The following FHIT variants were observed in gnomAD, a reference collection of about 807,000 sequenced individuals.
The protein encoded by FHIT is bis(5'-adenosyl)-triphosphatase.
In FHIT, 19 loss-of-function variants were observed where a neutral mutation model predicts 17.9. The observed-to-expected ratio is 1.06, with a 90% CI of 0.74 to 1.56. The LOEUF is 1.56. Among genes scored for constraint, FHIT ranks in the 40% most tolerant of loss-of-function variants. The probability of loss-of-function intolerance (pLI) is 0.00; values close to 1 mark genes in which losing one functional copy is unlikely to be tolerated. For missense variants in FHIT, 248 were observed against 189.2 expected (o/e 1.31, Z -1.82); for synonymous variants, 81 against 69.7 (o/e 1.16, Z -0.81).
intron 2 of FHIT, among the ~76,000 whole-genome samples, chr3:61,183,790 G>A (rs1311860995): frequency 2.0e-5 from 3 of 151,298 alleles, no homozygotes; most frequent in Non-Finnish European, 4.4e-5. Context: ...CTGTCCTCAT[G>A]ACTTCCCTGT....
chr3:60,960,674 G>A (rs1286722982), intron 3 of FHIT, among the ~76,000 whole-genome samples: 6 of 152,178 alleles, frequency 3.9e-5, no homozygotes, highest in Non-Finnish European at 8.8e-5. Context: ...CTATGAGTGA[G>A]AACATGCAGT....
chr3:60,856,985 C>T (rs1215330589), intron 3 of FHIT, among the ~76,000 whole-genome samples: 4 of 152,158 alleles, frequency 2.6e-5, no homozygotes, highest in Non-Finnish European at 5.9e-5. Context: ...ATGTGATATA[C>T]TTGCCATAGC....
At chr3:60,255,100 A>G (rs910233140) in intron 5 of FHIT, among the ~76,000 whole-genome samples, 3 of 152,194 alleles carry the variant, frequency 2.0e-5, no homozygotes, top group Non-Finnish European at 4.4e-5. Flanking sequence ...TGGCAGAATT[A>G]TAATAACTTT....
chr3:60,522,462 A>G (rs2035408844), intron 5 of FHIT, among the ~76,000 whole-genome samples: 1 of 152,172 alleles, frequency 6.6e-6, no homozygotes, highest in South Asian at 2.1e-4. Flanking sequence ...TTGTTTCTGT[A>G]TTTTTAAAAA....
chr3:60,528,194 C>T (rs1330295536), intron 5 of FHIT, among the ~76,000 whole-genome samples: 1 of 152,158 alleles, frequency 6.6e-6, no homozygotes, highest in Non-Finnish European at 1.5e-5. Flanking sequence ...TGGTCTGAAA[C>T]TCCTGGTCTC....
At chr3:60,821,563 G>A (rs1022845092) in intron 4 of FHIT, among the ~76,000 whole-genome samples, 11 of 152,046 alleles carry the variant, frequency 7.2e-5, no homozygotes, top group African/African-American at 2.4e-4. Flanking sequence ...CTTTTTACAC[G>A]TAAAAATTAT....
chr3:60,136,635 A>C (rs932488065), intron 5 of FHIT, among the ~76,000 whole-genome samples: 1 of 144,926 alleles, frequency 6.9e-6, no homozygotes, highest in Non-Finnish European at 1.5e-5. Context: ...TGAGTTCAGG[A>C]ATGATGCTTC....
intron 5 of FHIT, among the ~76,000 whole-genome samples, chr3:60,039,008 G>A (rs1447096657): frequency 6.6e-6 from 1 of 152,132 alleles, no homozygotes; most frequent in African/African-American, 2.4e-5. Flanking sequence ...GTCTGGCTCT[G>A]AACTTTCATG....
At chr3:59,874,177 G>A (rs1044107925) in intron 8 of FHIT, among the ~76,000 whole-genome samples, 6 of 152,032 alleles carry the variant, frequency 3.9e-5, no homozygotes, top group Non-Finnish European at 5.9e-5. Flanking sequence ...CCCCTTCTAC[G>A]TCATTCTAAC....
chr3:60,512,875 AT>A (rs1311048930), intron 5 of FHIT, among the ~76,000 whole-genome samples: 1 of 152,218 alleles, frequency 6.6e-6, no homozygotes, highest in Non-Finnish European at 1.5e-5. Context: ...ATTTTAAAAT[AT>A]TTAATAACCA....
At chr3:61,076,757 G>T (rs2034985173) in intron 2 of FHIT, among the ~76,000 whole-genome samples, 1 of 152,120 alleles carries the variant, frequency 6.6e-6, no homozygotes, top group Non-Finnish European at 1.5e-5. Context: ...GACCACACAG[G>T]TGTTAAGAGG....
At chr3:60,439,339 G>T (rs885737) in intron 5 of FHIT, among the ~76,000 whole-genome samples, 105,992 of 151,996 alleles carry the variant, frequency 0.7, 37,596 homozygotes, top group Non-Finnish European at 0.75. Context: ...AGCAACATTT[G>T]TTGCTCTAGC....
chr3:60,657,137 T>C (rs541027689), intron 4 of FHIT, among the ~76,000 whole-genome samples: 1 of 152,278 alleles, frequency 6.6e-6, no homozygotes, highest in African/African-American at 2.4e-5. Flanking sequence ...GCTCATGAAT[T>C]ATGTTTATCC....
intron 7 of FHIT, among the ~76,000 whole-genome samples, chr3:59,952,611 C>A (rs1280647564): frequency 6.6e-6 from 1 of 152,170 alleles, no homozygotes; most frequent in Non-Finnish European, 1.5e-5. Context: ...AGCTACCCTC[C>A]CATTATAGGG....
rs75718642 is a variant in FHIT at position 60,849,182 on chromosome 3, C to T, written c.-110-27171G>A. 7.1e-4 allele frequency among the ~76,000 whole-genome samples: 108 copies of T among 151,738 alleles called. No individual in the cohort carries two copies. The East Asian group carries it at 0.02, about 27-fold the overall frequency. On this transcript the variant is annotated intron_variant, in intron 3 of 9. Transcript: ENST00000492590. ...GGGAAGAACAAGAAGTAGATATTTG[C>T]TAAGAGACTGGGAAGAAAGGGAAGA...
At chr3:60,528,966 A>G (rs1396491483) in intron 5 of FHIT, among the ~76,000 whole-genome samples, 1 of 152,334 alleles carries the variant, frequency 6.6e-6, no homozygotes, top group Admixed American at 6.5e-5. Context: ...CCTAAGACAT[A>G]TCCACCCATA....
At chr3:60,598,534 G>A (rs1481731210) in intron 4 of FHIT, among the ~76,000 whole-genome samples, 1 of 152,088 alleles carries the variant, frequency 6.6e-6, no homozygotes, top group African/African-American at 2.4e-5. Context: ...TGTTGCAAGA[G>A]CAAAGAAAAG....
At chr3:59,865,535 C>G (rs574149522) in intron 8 of FHIT, among the ~76,000 whole-genome samples, 17 of 152,320 alleles carry the variant, frequency 1.1e-4, no homozygotes, top group African/African-American at 3.8e-4. Flanking sequence ...CCCCTTGGAG[C>G]CAGGGCCTGG....
At chr3:60,772,614 C>T (rs1357165702) in intron 4 of FHIT, among the ~76,000 whole-genome samples, 1 of 152,096 alleles carries the variant, frequency 6.6e-6, no homozygotes, top group African/African-American at 2.4e-5. Flanking sequence ...AACCCTTCCC[C>T]CCAACTCAAC....
Sources: allele counts gnomAD v4.1 joint callset (sites outside exome capture counted in the v4.1 genomes callset), GRCh38; gene constraint gnomAD v4.1.1; transcripts MANE v1.5; gene names NCBI Gene and HGNC (gene_info 2026-07-23, HGNC 2026-07-21).